The following UBXN6 variants were observed in gnomAD, a reference collection of about 807,000 sequenced individuals.
The protein encoded by UBXN6 is UBX domain protein 6.
Under a neutral mutation model 51.4 loss-of-function variants are expected in UBXN6, and 44 were observed. That is an observed-to-expected ratio of 0.86 (90% confidence interval 0.67 to 1.10). UBXN6 has a LOEUF of 1.10. UBXN6 is among the 50% of genes least tolerant of loss of function. The pLI is 0.00. For missense variants in UBXN6, 672 were observed against 596.1 expected (o/e 1.13, Z -1.32); for synonymous variants, 316 against 263.2 (o/e 1.20, Z -1.94).
chr19:4,457,460 C>G (rs10425294), intron 1 of UBXN6, among the ~76,000 whole-genome samples, 155 bp downstream of exon 1: 119,190 of 119,224 alleles, frequency 1, 59,578 homozygotes, highest in Middle Eastern at 1. Context: ...GGCCCGACTT[C>G]GTCCGCCCCC....
At chr19:4,450,724 A>ACT (rs979559581) in intron 4 of UBXN6, 4 of 122,974 alleles carry the variant, frequency 3.3e-5, no homozygotes, top group African/African-American at 1.2e-4. Context: ...GCGCCACTGC[A>ACT]CTCCAGCCTG....
chr19:4,446,691 G>A lies in UBXN6; in HGVS notation c.729C>T (p.Ser243=), dbSNP rs140698840. ...TCTGGGGCTGGGCCAAGGTGGTCTC[G>A]CTCAGCACGTAGAACTCCTCGGGGT... ...QEDPEEFYVL[S]ETTLAQPQSL... Residue 243 remains serine (S), a synonymous_variant, in exon 8 of 11, where the codon AGC becomes AGT. Coordinates refer to ENST00000301281, the MANE Select transcript of UBXN6 (RefSeq NM_025241.3). 213 of 1,610,916 alleles carry A rather than the reference G, an allele frequency of 1.3e-4. 3 individuals are homozygous for A. In the South Asian group the frequency reaches 1.8e-3, roughly 14 times the overall value.
chr19:4,451,238 G>T (rs1974648782), intron 4 of UBXN6, among the ~76,000 whole-genome samples: 1 of 151,952 alleles, frequency 6.6e-6, no homozygotes, highest in South Asian at 2.1e-4. Context: ...TGTATATTTA[G>T]TAGATAGGGG....
At chr19:4,457,290 A>G (rs1372680327) in intron 1 of UBXN6, among the ~76,000 whole-genome samples, 2 of 102,118 alleles carry the variant, frequency 2.0e-5, no homozygotes, top group African/African-American at 7.8e-5. Flanking sequence ...CCGCCACTGC[A>G]TCGGACCCTC....
rs367564016 is a variant in UBXN6 at position 4,446,424 on chromosome 19, G to T, written c.921-11C>A. On this transcript the variant is annotated splice_polypyrimidine_tract_variant and intron_variant, in intron 8 of 10. Coordinates refer to ENST00000301281, the MANE Select transcript of UBXN6 (RefSeq NM_025241.3). ...TCCACCGCCTCGGACCTGCACACGC[G>T]GGCCAGGTCACGAGGGCTGGCCGGG... The T allele has an allele frequency of 2.5e-6, 4 of 1,577,004 alleles. No homozygotes were observed. In the Admixed American group the frequency reaches 7.1e-5, roughly 28 times the overall value.
intron 2 of UBXN6, 33 bp from the exon 3 acceptor site, chr19:4,453,555 C>G: frequency 6.2e-7 from 1 of 1,609,724 alleles, no homozygotes; most frequent in East Asian, 2.2e-5. Context: ...GAGGCAGAGA[C>G]GGGATAGTGA....
At chr19:4,455,392 GAGATGACTCATGA>G (rs1974726700) in intron 1 of UBXN6, 3 of 744,380 alleles carry the variant, frequency 4.0e-6, no homozygotes, top group Non-Finnish European at 4.9e-6. Flanking sequence ...GGTGGAAGAG[GAGATGACTCATGA>G]AGACCCACCC....
intron 4 of UBXN6, chr19:4,449,062 C>T (rs1277156849): frequency 6.5e-6 from 1 of 154,704 alleles, no homozygotes; most frequent in East Asian, 1.9e-4. Flanking sequence ...CTGGGGGTTT[C>T]CCAGAACCAG....
At chr19:4,454,196 G>A (rs956172177) in intron 1 of UBXN6, 103 bp from the exon 2 acceptor site, 7 of 1,294,544 alleles carry the variant, frequency 5.4e-6, no homozygotes, top group Non-Finnish European at 7.3e-6. Context: ...AGCACCATCA[G>A]CCAGACGTGT....
chr19:4,453,347 G>C, intron 3 of UBXN6, 111 bp downstream of exon 3: 5 of 1,276,642 alleles, frequency 3.9e-6, no homozygotes, highest in Non-Finnish European at 5.5e-6. Flanking sequence ...GCAAGGCAAG[G>C]TTTTCCAACA....
chr19:4,456,826 TCTC>T (rs781063726), intron 1 of UBXN6, among the ~76,000 whole-genome samples: 1 of 151,960 alleles, frequency 6.6e-6, no homozygotes, highest in Non-Finnish European at 1.5e-5. Context: ...TCACCCGTCT[TCTC>T]CTCTCAGGCC....
Position 4,446,781 on chromosome 19 carries a change from C to T in UBXN6, c.700+55G>A, listed in dbSNP as rs532967129. 5.0e-6 allele frequency: 8 copies of T among 1,613,182 alleles called. No individual in the cohort carries two copies. The Admixed American group carries it at 1.3e-4, about 27-fold the overall frequency. ...GGAGAGACCCCCAAGCCGGGCCCTC[C>T]TGCCCCGAGGCCCCTCGTCCCCATT... On this transcript the variant is annotated intron_variant, in intron 7 of 10. Transcript: ENST00000301281.
intron 1 of UBXN6, among the ~76,000 whole-genome samples, chr19:4,454,553 G>A (rs1047401500): frequency 6.6e-6 from 1 of 152,152 alleles, no homozygotes; most frequent in Non-Finnish European, 1.5e-5. Context: ...CTCCCAAGTC[G>A]CTGGGACTTA....
In UBXN6 at chr19:4,445,290, G is replaced by A. The variant is rs1974481734; in HGVS notation, c.*208C>T. Reference sequence around the variant, plus strand: ...TTGGTGTCCCCAGGCCTCTCCCTCGGGGGCTTGGGCGCATCCCCACAGCCC... The same window carrying A: ...TTGGTGTCCCCAGGCCTCTCCCTCGAGGGCTTGGGCGCATCCCCACAGCCC... On this transcript the variant is annotated 3_prime_UTR_variant, in exon 11 of 11. Transcript: ENST00000301281. 2.6e-6 allele frequency: 2 copies of A among 772,006 alleles called. No individual in the cohort carries two copies. Among genetic ancestry groups the A allele is most frequent in the Admixed American group, 5.3e-5 (2 of 37,610 alleles). The allele number at this position is 772,006 out of a possible 1,614,324, so 47.8% of individuals were successfully genotyped here.
intron 2 of UBXN6, 71 bp from the exon 3 acceptor site, chr19:4,453,593 C>G: frequency 1.3e-6 from 2 of 1,568,978 alleles, no homozygotes; most frequent in East Asian, 2.3e-5. Context: ...CCCAAGCCCC[C>G]TCATTCCCGG....
chr19:4,445,655 CGA>C (rs1568187459), intron 10 of UBXN6, 32 bp from the exon 11 acceptor site: 5 of 1,597,646 alleles, frequency 3.1e-6, no homozygotes, highest in Non-Finnish European at 4.3e-6. Flanking sequence ...ACTCTGAGAC[CGA>C]GAGTCGGCCC....
At chr19:4,447,706 G>A in intron 5 of UBXN6, 81 bp from the exon 6 acceptor site, 1 of 1,428,252 alleles carries the variant, frequency 7.0e-7, no homozygotes, top group Non-Finnish European at 9.9e-7. Context: ...CCAGGTAACA[G>A]CAGCTCAGCC....
At position 4,453,444 on chromosome 19, in the gene UBXN6, G is replaced by A. The variant is rs746019034; in HGVS notation, c.312+14C>T. On this transcript the variant is annotated intron_variant, in intron 3 of 10. Coordinates refer to ENST00000301281, the MANE Select transcript of UBXN6 (RefSeq NM_025241.3). ...CCCTTGGCATGGGACAGTGCCACCA[G>A]TGGCTGTTCTTACCACGTTGGTCCC... is the stretch of plus-strand genomic sequence containing the variant. The A allele has an allele frequency of 5.6e-6, 9 of 1,612,318 alleles. No homozygotes were observed. The highest frequency in any genetic ancestry group is 7.6e-6 in the Non-Finnish European group (9 of 1,179,380).
In UBXN6 at chr19:4,446,074, T is replaced by C; in HGVS notation, c.1175A>G (p.Asn392Ser). 6.2e-7 allele frequency: 1 copy of C among 1,612,544 alleles called. No homozygotes were observed. Among genetic ancestry groups the C allele is most frequent in the Non-Finnish European group, 8.5e-7 (1 of 1,179,766 alleles). The change falls in exon 10 of 11, where the codon AAC (asparagine) becomes AGC (serine). Residue 392 changes from asparagine (N) to serine (S), a missense_variant. Transcript: ENST00000301281. ...SGGQKLSEDE[N>S]LALNECGLVP... is the part of the protein sequence containing the mutation. ...CAGCCCGCACTCGTTCAAGGCCAGG[T>C]TCTCGTCCTCGGACAGCTTCTGCCC...
Sources: gnomAD v4.1 joint callset for allele counts (sites outside exome capture counted in the v4.1 genomes callset) on GRCh38, gnomAD v4.1.1 for gene constraint, MANE v1.5 for transcripts, NCBI Gene and HGNC (gene_info 2026-07-23, HGNC 2026-07-21) for gene names.